The following CARF variants were observed in gnomAD, a reference collection of about 807,000 sequenced individuals.
CARF encodes calcium-responsive transcription factor.
In CARF, 57 loss-of-function variants were observed where a neutral mutation model predicts 82.0. The observed-to-expected ratio is 0.70, with a 90% confidence interval of 0.56 to 0.87. The LOEUF (loss-of-function observed/expected upper bound fraction) is 0.87. Ranked by LOEUF, CARF falls within the 40% of genes least tolerant of loss-of-function variation. The pLI is 0.00. For missense variants in CARF, 771 were observed against 855.8 expected, an observed-to-expected ratio of 0.90 and a Z score of 1.24; for synonymous variants, 268 against 290.1, an observed-to-expected ratio of 0.92 and a Z score of 0.77.
intron 13 of CARF, 81 bp from the exon 14 acceptor site, chr2:202,977,188 A>C: frequency 3.9e-6 from 4 of 1,019,714 alleles, no homozygotes; most frequent in Non-Finnish European, 6.0e-6. Context: ...TGTGAATAAA[A>C]TATGACAGTC....
chr2:202,956,221 C>G (rs188929142), intron 8 of CARF, among the ~76,000 whole-genome samples: 5 of 151,688 alleles, frequency 3.3e-5, no homozygotes, highest in African/African-American at 1.2e-4. Flanking sequence ...TTTTCAAGTC[C>G]GTATCACCAG....
intron 8 of CARF, among the ~76,000 whole-genome samples, chr2:202,957,914 C>T (rs2059124921): frequency 2.0e-5 from 3 of 151,778 alleles, no homozygotes; most frequent in African/African-American, 7.3e-5. Context: ...CCACTGCATT[C>T]CAGTCCGTGA....
intron 8 of CARF, among the ~76,000 whole-genome samples, chr2:202,956,176 C>G (rs531086835): frequency 6.6e-6 from 1 of 151,874 alleles, no homozygotes; most frequent in South Asian, 2.1e-4. Flanking sequence ...CACTTACCTA[C>G]TTTGTTGACT....
At position 202,952,556 on chromosome 2, in the gene CARF, A is replaced by T; in HGVS notation, c.307-3A>T. The T allele has an allele frequency of 1.2e-6, 2 of 1,612,872 alleles. No individual in the cohort carries two copies. Among genetic ancestry groups the T allele is most frequent in the Non-Finnish European group, 1.7e-6 (2 of 1,179,506 alleles). ...TTGATTTTTTTTTTTTAATGCTTCC[A>T]AGATGATCGTTGCCAGCCCAACAGA... On this transcript the variant is annotated splice_region_variant and splice_polypyrimidine_tract_variant and intron_variant, in intron 5 of 16. Transcript: ENST00000438828.
chr2:202,981,179 G>A (rs551383973), intron 14 of CARF, among the ~76,000 whole-genome samples: 13 of 152,274 alleles, frequency 8.5e-5, no homozygotes, highest in Non-Finnish European at 1.8e-4. Flanking sequence ...GTGGAGAGTT[G>A]GGGGGATGGT....
rs1366686372 is a variant in CARF, at chr2:202,926,082, T to C, written c.-44+1667T>C. Among the ~76,000 whole-genome samples the C allele has an allele frequency of 2.6e-5, 4 of 152,244 alleles. No individual in the cohort carries two copies. The East Asian group carries it at 7.7e-4, about 29-fold the overall frequency. ...AATGGGAAGCTAGTATCTGAGTCCT[T>C]TGATGTCCTGCAATGAATGCCACTG... is the stretch of plus-strand genomic sequence containing the variant. On this transcript the variant is annotated intron_variant, in intron 3 of 16. Coordinates refer to ENST00000438828, the MANE Select transcript of CARF (RefSeq NM_024744.17).
At chr2:202,949,342 CAAA>C (rs540061451) in intron 5 of CARF, among the ~76,000 whole-genome samples, 10 of 114,026 alleles carry the variant, frequency 8.8e-5, no homozygotes, top group Admixed American at 1.9e-4. Flanking sequence ...GACTCCATCT[CAAA>C]AAAAAAAAAA....
chr2:202,977,405 T>C, intron 14 of CARF, 73 bp downstream of exon 14: 1 of 1,128,032 alleles, frequency 8.9e-7, no homozygotes, highest in Non-Finnish European at 1.3e-6. Flanking sequence ...AGATATTATC[T>C]CATCTAATCA....
At chr2:202,975,470 G>T (rs1293301527) in intron 13 of CARF, among the ~76,000 whole-genome samples, 5 of 151,618 alleles carry the variant, frequency 3.3e-5, no homozygotes, top group Admixed American at 3.3e-4. Context: ...TTAGCTGGGT[G>T]TGGTGGCGTG....
intron 8 of CARF, among the ~76,000 whole-genome samples, chr2:202,960,887 T>C (rs1359759862): frequency 2.0e-5 from 3 of 152,106 alleles, no homozygotes; most frequent in Non-Finnish European, 2.9e-5. Flanking sequence ...ATGAGTACTT[T>C]GTGGCTAGTT....
At chr2:202,917,285 A>G (rs1353517554) in intron 1 of CARF, among the ~76,000 whole-genome samples, 5 of 149,180 alleles carry the variant, frequency 3.4e-5, no homozygotes, top group Admixed American at 3.3e-4. Flanking sequence ...TACTTTTGAT[A>G]TAAGATAAAA....
intron 4 of CARF, 150 bp downstream of exon 4, chr2:202,942,130 T>C (rs942881143): frequency 3.5e-5 from 20 of 573,376 alleles, no homozygotes; most frequent in African/African-American, 3.4e-4. Flanking sequence ...TCCCAGCACT[T>C]TGGGAGGCTG....
chr2:202,927,043 T>A (rs1374610982), intron 3 of CARF, among the ~76,000 whole-genome samples: 1 of 152,142 alleles, frequency 6.6e-6, no homozygotes, highest in African/African-American at 2.4e-5. Flanking sequence ...CTCGAACTCC[T>A]GAGTTCAAGC....
chr2:202,955,765 TATAA>T lies in CARF; in HGVS notation c.642+12_642+15del, dbSNP rs763798625. On this transcript the variant is annotated splice_region_variant and intron_variant, in intron 8 of 16. Coordinates refer to ENST00000438828, the MANE Select transcript of CARF (RefSeq NM_024744.17). ...CCGTCTTAGGAGCTGTGAGGTGAGT[TATAA>T]ATAATCATTACCTAGAATTACTTAA... is the stretch of plus-strand genomic sequence containing the variant. The T allele has an allele frequency of 6.2e-7, 1 of 1,600,884 alleles. No homozygotes were observed. The highest frequency in any genetic ancestry group is 1.7e-5 in the Admixed American group (1 of 58,288).
chr2:202,923,189 C>T (rs976491518), intron 2 of CARF, among the ~76,000 whole-genome samples: 2 of 151,764 alleles, frequency 1.3e-5, no homozygotes, highest in Admixed American at 6.6e-5. Context: ...TGCCATGAGC[C>T]GAGATCACGG....
intron 3 of CARF, among the ~76,000 whole-genome samples, chr2:202,939,929 A>G (rs1200479874): frequency 2.0e-5 from 3 of 152,004 alleles, no homozygotes; most frequent in African/African-American, 4.8e-5. Flanking sequence ...GTGTCAAGCA[A>G]TCCTCTTGCC....
At chr2:202,925,175 A>G in intron 3 of CARF, 1 of 321,144 alleles carries the variant, frequency 3.1e-6, no homozygotes, top group South Asian at 2.8e-5. Flanking sequence ...CAAAAGTGTG[A>G]AGTTTAAATA....
chr2:202,917,803 C>A, intron 1 of CARF, 74 bp from the exon 2 acceptor site: 1 of 215,936 alleles, frequency 4.6e-6, no homozygotes, highest in South Asian at 6.2e-5. Flanking sequence ...AAAATAAAAC[C>A]TGCATAACAA....
At position 202,954,689 on chromosome 2, in the gene CARF, G is replaced by A. The variant is rs563393518; in HGVS notation, c.557+555G>A. Among the ~76,000 whole-genome samples, 8 of 150,058 alleles carry A rather than the reference G, an allele frequency of 5.3e-5. No homozygotes were observed. In the Admixed American group the frequency reaches 5.3e-4, roughly 10 times the overall value. ...ATTGCACCACTGCACTCCAGCCTGGGTGACAGAGCGAGACATCATTTAAAA... is the reference window on the plus strand; with the variant it reads ...ATTGCACCACTGCACTCCAGCCTGGATGACAGAGCGAGACATCATTTAAAA... On this transcript the variant is annotated intron_variant, in intron 7 of 16. Transcript: ENST00000438828.
Sources: allele counts gnomAD v4.1 joint callset (sites outside exome capture counted in the v4.1 genomes callset), GRCh38; gene constraint gnomAD v4.1.1; transcripts MANE v1.5; gene names NCBI Gene and HGNC (gene_info 2026-07-23, HGNC 2026-07-21).